The following TBC1D1 variants were observed in gnomAD, a reference collection of about 807,000 sequenced individuals.
TBC1D1 encodes TBC1 domain family member 1, also known as TBC1 (tre-2/USP6, BUB2, cdc16) domain family, member 1.
Under a neutral mutation model 125.6 loss-of-function variants are expected in TBC1D1, and 89 were observed. The observed-to-expected ratio is 0.71, with a 90% CI of 0.60 to 0.85. TBC1D1 has a LOEUF of 0.85. Among genes scored for constraint, TBC1D1 ranks in the 40% least tolerant of loss-of-function variants. TBC1D1 has a pLI of 0.00. For missense variants in TBC1D1, 1,377 were observed against 1,469.2 expected (o/e 0.94, Z 1.03); for synonymous variants, 565 against 564.1 (o/e 1.00, Z -0.02).
intron 2 of TBC1D1, among the ~76,000 whole-genome samples, chr4:37,918,220 G>A (rs1214513053): frequency 6.6e-6 from 1 of 152,062 alleles, no homozygotes; most frequent in Non-Finnish European, 1.5e-5. Context: ...ACCATATTAT[G>A]AGTTATCTCA....
At chr4:38,106,075 T>C (rs1285761559) in intron 15 of TBC1D1, among the ~76,000 whole-genome samples, 2 of 152,318 alleles carry the variant, frequency 1.3e-5, no homozygotes, top group South Asian at 2.1e-4. Flanking sequence ...TTTTCCCTTA[T>C]AGGATACAGC....
At chr4:38,006,865 A>G (rs1171725393) in intron 2 of TBC1D1, 2 of 503,612 alleles carry the variant, frequency 4.0e-6, no homozygotes, top group Admixed American at 2.0e-5. Flanking sequence ...ATCTTTGCTC[A>G]TCCTTAAAAT....
chr4:37,988,831 C>T (rs767134159), intron 2 of TBC1D1, among the ~76,000 whole-genome samples: 24 of 152,114 alleles, frequency 1.6e-4, no homozygotes, highest in South Asian at 1.0e-3. Context: ...TCGTTCAGGT[C>T]GTGATGGGAA....
At chr4:37,935,595 A>G (rs772538596) in intron 2 of TBC1D1, among the ~76,000 whole-genome samples, 2 of 152,188 alleles carry the variant, frequency 1.3e-5, no homozygotes, top group Non-Finnish European at 2.9e-5. Context: ...AGGCTCTTCA[A>G]TAACTTCCAT....
chr4:37,932,529 A>G (rs11930755), intron 2 of TBC1D1, among the ~76,000 whole-genome samples: 38,427 of 152,082 alleles, frequency 0.25, 4,941 homozygotes, highest in Admixed American at 0.3. Context: ...ATATGTAGTT[A>G]TTATTTCAAG....
intron 15 of TBC1D1, among the ~76,000 whole-genome samples, chr4:38,109,880 GAGA>G (rs1761946805): frequency 6.6e-6 from 1 of 152,226 alleles, no homozygotes; most frequent in South Asian, 2.1e-4. Context: ...GCAACAATGT[GAGA>G]AGATGTTAGT....
chr4:38,117,812 G>A (rs573710342), intron 16 of TBC1D1, among the ~76,000 whole-genome samples: 5 of 152,350 alleles, frequency 3.3e-5, no homozygotes, highest in African/African-American at 1.2e-4. Flanking sequence ...AAGACCCAGC[G>A]TTAGCGTCCT....
chr4:38,104,956 C>A (rs906199645), intron 15 of TBC1D1, among the ~76,000 whole-genome samples: 2 of 151,960 alleles, frequency 1.3e-5, no homozygotes, highest in Admixed American at 6.6e-5. Context: ...GGGGTTTCAC[C>A]GTGTTAGCCA....
intron 11 of TBC1D1, among the ~76,000 whole-genome samples, chr4:38,050,213 A>G (rs1406433328): frequency 6.6e-6 from 1 of 152,194 alleles, no homozygotes; most frequent in Non-Finnish European, 1.5e-5. Flanking sequence ...GGGCAAGCGG[A>G]TGAGTCTCCC....
At chr4:37,897,585 A>G (rs1226823390) in intron 1 of TBC1D1, among the ~76,000 whole-genome samples, 3 of 152,208 alleles carry the variant, frequency 2.0e-5, no homozygotes, top group African/African-American at 7.2e-5. Flanking sequence ...ATTATTATCA[A>G]CTGATTTAAA....
intron 8 of TBC1D1, among the ~76,000 whole-genome samples, chr4:38,040,434 G>A (rs969085877): frequency 1.3e-5 from 2 of 152,114 alleles, no homozygotes; most frequent in Non-Finnish European, 2.9e-5. Context: ...GACTATAGGC[G>A]TGCGCCACCA....
chr4:38,054,453 T>A (rs1283532358), intron 12 of TBC1D1, 115 bp downstream of exon 14: 1 of 1,348,580 alleles, frequency 7.4e-7, no homozygotes, highest in Non-Finnish European at 1.0e-6. Flanking sequence ...TTGGCAGGTC[T>A]GAGGCAATCA....
chr4:37,975,766 C>T (rs893257309), intron 2 of TBC1D1, among the ~76,000 whole-genome samples: 3 of 151,808 alleles, frequency 2.0e-5, no homozygotes, highest in East Asian at 1.9e-4. Context: ...GATTGTAGAG[C>T]GAGGATTATT....
rs534186987 is a variant in TBC1D1 at position 38,125,616 on chromosome 4, T to C, written c.3132+485T>C. Reference sequence around the variant, plus strand: ...TCATGATGTGTGTGTGTGGTTTTTTTTTAACTGAATTCAGTTCAATATCTG... The same window carrying C: ...TCATGATGTGTGTGTGTGGTTTTTTCTTAACTGAATTCAGTTCAATATCTG... On this transcript the variant is annotated intron_variant, in intron 18 of 19. Transcript: ENST00000261439. 1.2e-3 allele frequency among the ~76,000 whole-genome samples: 177 copies of C among 152,338 alleles called. 1 individual carries two copies. Among genetic ancestry groups the C allele is most frequent in the African/African-American group, 4.1e-3 (169 of 41,572 alleles).
intron 2 of TBC1D1, among the ~76,000 whole-genome samples, chr4:37,933,433 T>TACACACACACACACAC (rs3038289): frequency 9.5e-5 from 14 of 147,262 alleles, no homozygotes; most frequent in Admixed American, 2.7e-4. Context: ...ACATATGTTT[T>TACACACACACACACAC]ACACACACAC....
At chr4:38,049,921 G>A in intron 11 of TBC1D1, 23 bp downstream of exon 11, 1 of 1,595,938 alleles carries the variant, frequency 6.3e-7, no homozygotes, top group Non-Finnish European at 8.5e-7. Context: ...TAAATTTGTT[G>A]CATAAATAGC....
intron 12 of TBC1D1, among the ~76,000 whole-genome samples, chr4:38,075,506 G>T (rs1488477986): frequency 1.3e-5 from 2 of 152,200 alleles, no homozygotes; most frequent in African/African-American, 4.8e-5. Flanking sequence ...ATTGTGTTGG[G>T]TTGGGAGAAG....
chr4:38,086,513 T>A (rs1479729029), intron 12 of TBC1D1, among the ~76,000 whole-genome samples: 1 of 152,240 alleles, frequency 6.6e-6, no homozygotes, highest in East Asian at 1.9e-4. Context: ...TCAGCTTTTA[T>A]TTAGTTCATG....
At chr4:38,000,364 A>C (rs1738801276) in intron 2 of TBC1D1, among the ~76,000 whole-genome samples, 1 of 152,180 alleles carries the variant, frequency 6.6e-6, no homozygotes, top group Non-Finnish European at 1.5e-5. Flanking sequence ...TTACAGATGG[A>C]GTATCCCTTA....
Sources: allele counts gnomAD v4.1 joint callset (sites outside exome capture counted in the v4.1 genomes callset), GRCh38; gene constraint gnomAD v4.1.1; transcripts MANE v1.5; gene names NCBI Gene and HGNC (gene_info 2026-07-23, HGNC 2026-07-21).